USH1C: variants seen among roughly 807,000 people sequenced by gnomAD.
The protein encoded by USH1C is harmonin.
In USH1C, 90 loss-of-function variants were observed where a neutral mutation model predicts 119.3. That is an observed-to-expected ratio of 0.75 (90% CI 0.64 to 0.90). USH1C has a LOEUF of 0.90. Ranked by LOEUF, USH1C falls within the 40% of genes least tolerant of loss-of-function variation. The pLI is 0.00. For synonymous variants in USH1C, 465 were observed against 443.3 expected (o/e 1.05, Z -0.62); for missense variants, 1,165 against 1,167.7 (o/e 1.00, Z 0.03).
chr11:17,493,954 C>T lies in USH1C; in HGVS notation c.*378G>A. Reference sequence around the variant, plus strand: ...TCAGAGTAAGGTTTGGAGTGACAATCCTGGCAGCAATTAGAGCAGAGGGCA... The same window carrying T: ...TCAGAGTAAGGTTTGGAGTGACAATTCTGGCAGCAATTAGAGCAGAGGGCA... On this transcript the variant is annotated 3_prime_UTR_variant, in exon 27 of 27. Transcript: ENST00000005226. The T allele has an allele frequency of 3.2e-6, 1 of 315,956 alleles. No individual in the cohort carries two copies. Among genetic ancestry groups the T allele is most frequent in the South Asian group, 3.9e-5 (1 of 25,900 alleles). The allele number at this position is 315,956 out of a possible 1,614,324, so 19.6% of individuals were successfully genotyped here. A position where few individuals can be genotyped will look rare whatever the true frequency, so the allele number is the denominator to read the frequency against.
chr11:17,504,875 C>T (rs996158669), intron 19 of USH1C, among the ~76,000 whole-genome samples, 178 bp from the exon 20 acceptor site: 3 of 152,186 alleles, frequency 2.0e-5, no homozygotes, highest in Admixed American at 1.3e-4. Flanking sequence ...CAGTTGTTGT[C>T]AAGCAGACAC....
At chr11:17,523,123 C>G in intron 11 of USH1C, 88 bp downstream of exon 11, 1 of 1,601,710 alleles carries the variant, frequency 6.2e-7, no homozygotes, top group Admixed American at 1.7e-5. Flanking sequence ...AGGAGACCAG[C>G]CACCCTGGGA....
rs188432542 is a variant in USH1C at position 17,503,593 on chromosome 11, T to C, written c.2184+1054A>G. On this transcript the variant is annotated intron_variant, in intron 20 of 26. Transcript: ENST00000005226. ...CTCTGCACTTCCCTGCTTCTCTCCC[T>C]GTGAGGGCTGTTTGTGCCCTAAACC... Among the ~76,000 whole-genome samples the C allele has an allele frequency of 5.0e-3, 767 of 152,294 alleles. 5 individuals are homozygous for C. Among genetic ancestry groups the C allele is most frequent in the African/African-American group, 0.017 (715 of 41,562 alleles).
At position 17,509,626 on chromosome 11, in the gene USH1C, G is replaced by A; in HGVS notation, c.1743C>T (p.Val581=). 1 of 1,590,430 alleles carries A rather than the reference G, an allele frequency of 6.3e-7. No homozygotes were observed. Residue 581 remains valine (V), a synonymous_variant, in exon 18 of 27, where the codon GTC becomes GTT. Transcript: ENST00000005226. Reference sequence around the variant, plus strand: ...CGCTCACATGGCCAGATAAGGGAAGGACAGGGGGCGCCGGGACCTTGTGGG... The same window carrying A: ...CGCTCACATGGCCAGATAAGGGAAGAACAGGGGGCGCCGGGACCTTGTGGG... ...NPPHKVPAPP[V]LPLSGHVSAS...
intron 24 of USH1C, 72 bp from the exon 25 acceptor site, chr11:17,496,885 C>T: frequency 6.4e-7 from 1 of 1,573,052 alleles, no homozygotes; most frequent in Non-Finnish European, 8.7e-7. Context: ...ACTCCATCCC[C>T]ATTTCTGGGC....
At position 17,510,450 on chromosome 11, in the gene USH1C, T is replaced by C; in HGVS notation, c.1485A>G (p.Gln495=). ...KIQYWVERLC[Q]TRLEQISSAD... Reference sequence around the variant, plus strand: ...CAGAGGAAATCTGCTCGAGGCGCGTTTGACAGAGCCTCTCCACCCAATATT... The same window carrying C: ...CAGAGGAAATCTGCTCGAGGCGCGTCTGACAGAGCCTCTCCACCCAATATT... Residue 495 remains glutamine (Q), a synonymous_variant, in exon 17 of 27, where the codon CAA becomes CAG. Coordinates refer to ENST00000005226, the MANE Select transcript of USH1C (RefSeq NM_153676.4). 3.7e-6 allele frequency: 6 copies of C among 1,613,162 alleles called. No homozygotes were observed. Among genetic ancestry groups the C allele is most frequent in the Non-Finnish European group, 5.1e-6 (6 of 1,179,920 alleles).
chr11:17,524,562 G>C lies in USH1C; in HGVS notation c.675-27C>G, dbSNP rs574878384. 13 of 1,552,106 alleles carry C rather than the reference G, an allele frequency of 8.4e-6. No homozygotes were observed. The South Asian group carries it at 1.5e-4, about 18-fold the overall frequency. On this transcript the variant is annotated intron_variant, in intron 8 of 26. Transcript: ENST00000005226. The stretch of plus-strand genomic sequence containing the variant: ...TGCGGGAGGTGGGAAATGTGTGCTC[G>C]GGATTCAGGTAACCCATGTCCAGTG...
chr11:17,494,457 G>T, intron 26 of USH1C, 81 bp from the exon 27 acceptor site: 1 of 1,485,364 alleles, frequency 6.7e-7, no homozygotes, highest in South Asian at 1.2e-5. Flanking sequence ...GGCCCCACAA[G>T]GGGGAGTACC....
chr11:17,504,467 T>C (rs988783625), intron 20 of USH1C, among the ~76,000 whole-genome samples, 180 bp downstream of exon 20: 1 of 152,156 alleles, frequency 6.6e-6, no homozygotes, highest in African/African-American at 2.4e-5. Context: ...CCCCATCTGA[T>C]ATGATATCCT....
chr11:17,517,479 C>G (rs1426420661), intron 14 of USH1C: 1 of 1,588,418 alleles, frequency 6.3e-7, no homozygotes, highest in Admixed American at 1.8e-5. Flanking sequence ...GATCATCTAC[C>G]CAGGGAAAAG....
intron 15 of USH1C, among the ~76,000 whole-genome samples, chr11:17,514,797 C>CTTTTTT: frequency 7.2e-6 from 1 of 138,938 alleles, no homozygotes; most frequent in Non-Finnish European, 1.6e-5. Flanking sequence ...AGAAGCAATT[C>CTTTTTT]TTTTTTTTTT....
intron 2 of USH1C, among the ~76,000 whole-genome samples, chr11:17,532,684 C>A (rs975411935): frequency 6.6e-6 from 1 of 152,196 alleles, no homozygotes; most frequent in African/African-American, 2.4e-5. Context: ...AAACTCCTTT[C>A]TTCACATTTC....
At chr11:17,494,870 A>G (rs1159472780) in intron 26 of USH1C, 3 of 249,492 alleles carry the variant, frequency 1.2e-5, no homozygotes, top group African/African-American at 4.4e-5. Flanking sequence ...CATCCCTATC[A>G]CAGGGTGAGA....
At chr11:17,533,965 A>C in intron 1 of USH1C, 1 of 281,474 alleles carries the variant, frequency 3.6e-6, no homozygotes, top group South Asian at 3.7e-5. Flanking sequence ...AGGTTACATC[A>C]TTTCAACTTT....
intron 4 of USH1C, 79 bp from the exon 5 acceptor site, chr11:17,527,410 C>A: frequency 8.7e-7 from 1 of 1,143,034 alleles, no homozygotes; most frequent in South Asian, 1.2e-5. Context: ...CAGATGCTCC[C>A]GGACTGCTCT....
chr11:17,538,892 GT>G (rs1412420681), intron 1 of USH1C, among the ~76,000 whole-genome samples: 1 of 152,192 alleles, frequency 6.6e-6, no homozygotes, highest in Non-Finnish European at 1.5e-5. Context: ...GTTCTCACCT[GT>G]TCTGGTAACC....
chr11:17,533,158 C>T (rs1287864953), intron 2 of USH1C, 97 bp downstream of exon 2: 1 of 890,252 alleles, frequency 1.1e-6, no homozygotes, highest in African/African-American at 1.6e-5. Context: ...TGAGCATCCA[C>T]CCTCTGAGCT....
intron 15 of USH1C, among the ~76,000 whole-genome samples, chr11:17,512,660 C>A (rs1221652516): frequency 6.6e-6 from 1 of 152,142 alleles, no homozygotes; most frequent in Non-Finnish European, 1.5e-5. Context: ...GACCTGGGGG[C>A]TCAGACCCAG....
At chr11:17,510,377 G>T (rs934209370) in intron 17 of USH1C, 28 bp downstream of exon 17, 1 of 1,567,276 alleles carries the variant, frequency 6.4e-7, no homozygotes. Flanking sequence ...CAGCAGGAGG[G>T]TCTATGTGGA....
Sources: gnomAD v4.1 joint callset for allele counts (sites outside exome capture counted in the v4.1 genomes callset) on GRCh38, gnomAD v4.1.1 for gene constraint, MANE v1.5 for transcripts, NCBI Gene and HGNC (gene_info 2026-07-23, HGNC 2026-07-21) for gene names.